Variants in NAT16 observed in about 807,000 individuals in gnomAD.
NAT16 encodes N-acetyltransferase 16 (putative).
In NAT16, 16 loss-of-function variants were observed where a neutral mutation model predicts 15.9. The observed-to-expected ratio is 1.01, with a 90% CI of 0.68 to 1.53. The LOEUF is 1.53. Ranked by LOEUF, NAT16 falls within the 40% of genes most tolerant of loss-of-function variation. NAT16 has a pLI of 0.00. For missense variants in NAT16, 572 were observed against 508.4 expected (o/e 1.13, Z -1.20); for synonymous variants, 260 against 241.9 (o/e 1.07, Z -0.69).
chr7:101,174,815 C>A lies in NAT16; in HGVS notation c.-4-4G>T, dbSNP rs932625998. Reference sequence around the variant, plus strand: ...GCTGGCTTCCAGCTTCATGACCCTGCAGAAAAAAAGAGAATTCAGCACCTG... The same window carrying A: ...GCTGGCTTCCAGCTTCATGACCCTGAAGAAAAAAAGAGAATTCAGCACCTG... On this transcript the variant is annotated splice_region_variant and splice_polypyrimidine_tract_variant and intron_variant, in intron 1 of 3. Coordinates refer to ENST00000300303, the MANE Select transcript of NAT16 (RefSeq NM_198571.3). 1.3e-6 allele frequency: 2 copies of A among 1,542,518 alleles called. No individual in the cohort carries two copies. Among genetic ancestry groups the A allele is most frequent in the East Asian group, 2.3e-5 (1 of 44,182 alleles).
intron 1 of NAT16, chr7:101,179,081 A>G (rs1485969859): frequency 3.3e-5 from 1 of 30,618 alleles, no homozygotes; most frequent in Non-Finnish European, 6.6e-5. Flanking sequence ...CCCCACTCCC[A>G]CCACACCCCA....
rs749852406 is a variant in NAT16 at position 101,174,772 on chromosome 7, T to C, written c.36A>G (p.Ser12=). The C allele has an allele frequency of 2.5e-6, 4 of 1,588,582 alleles. No homozygotes were observed. The highest frequency in any genetic ancestry group is 3.4e-6 in the Non-Finnish European group (4 of 1,169,224). ...KLEASCGTAT[S]EVPKPEKKTA... Reference sequence around the variant, plus strand: ...TCTTCTTTTCCGGCTTAGGGACCTCTGAGGTGGCTGTGCCACAGCTGGCTT... The same window carrying C: ...TCTTCTTTTCCGGCTTAGGGACCTCCGAGGTGGCTGTGCCACAGCTGGCTT... The change falls in exon 2 of 4, where the codon TCA becomes TCG. Residue 12 remains serine, a synonymous_variant. Transcript: ENST00000300303.
Position 101,172,226 on chromosome 7 carries a change from G to A in NAT16, c.963C>T (p.Ala321=), listed in dbSNP as rs1797340431. 4 of 1,613,412 alleles carry A rather than the reference G, an allele frequency of 2.5e-6. No homozygotes were observed. The highest frequency in any genetic ancestry group is 2.7e-5 in the African/African-American group (2 of 74,922). The change falls in exon 4 of 4, where the codon GCC becomes GCT. Residue 321 remains alanine, a synonymous_variant. Coordinates refer to ENST00000300303, the MANE Select transcript of NAT16 (RefSeq NM_198571.3). The surrounding 1 kb of genome is among the most constrained non-coding windows in gnomAD (Gnocchi z 4.2). ...TGACGTTGAGGCCAACGAGGCGCGG[G>A]GCCTGGCGCTGCAGGTGCCACAGCA... ...SQLLWHLQRQ[A]PRLVGLNVMC...
At chr7:101,174,310 C>T (rs1479103388) in intron 2 of NAT16, 186 bp downstream of exon 2, 2 of 747,480 alleles carry the variant, frequency 2.7e-6, no homozygotes, top group Non-Finnish European at 4.2e-6. Flanking sequence ...GAGTCCTCCA[C>T]CCCACCCTCA....
chr7:101,172,522 C>T lies in NAT16; in HGVS notation c.667G>A (p.Val223Met). 1 of 1,579,174 alleles carries T rather than the reference C, an allele frequency of 6.3e-7. No homozygotes were observed. Among genetic ancestry groups the T allele is most frequent in the South Asian group, 1.1e-5 (1 of 88,116 alleles). ...GAGGGTGACAGCAGGAGGCGTGCCA[C>T]GTCGCCGCCTGCCTCGGACACGGCC... is the stretch of plus-strand genomic sequence containing the variant. ...TEAVSEAGGD[V>M]ARLLLSPSVQ... Residue 223 changes from valine (V) to methionine (M), a missense_variant, in exon 4 of 4, where the codon GTG becomes ATG. Coordinates refer to ENST00000300303, the MANE Select transcript of NAT16 (RefSeq NM_198571.3). This position sits in a 1 kb window ranked among gnomAD's most constrained non-coding sequence, Gnocchi z 4.2.
intron 3 of NAT16, 49 bp downstream of exon 3, chr7:101,173,237 GGTCTCCCCAT>G: frequency 7.0e-7 from 1 of 1,428,710 alleles, no homozygotes; most frequent in Non-Finnish European, 9.9e-7. Flanking sequence ...GGGTGGGGAG[GGTCTCCCCAT>G]ATGCCCCAGC....
chr7:101,176,385 C>T (rs1797467367), intron 1 of NAT16, among the ~76,000 whole-genome samples: 2 of 151,662 alleles, frequency 1.3e-5, no homozygotes, highest in Admixed American at 1.3e-4. Context: ...ATCCCAGCTA[C>T]TAGGGAGGCT....
At chr7:101,177,557 G>C (rs966190107) in intron 1 of NAT16, among the ~76,000 whole-genome samples, 1 of 152,052 alleles carries the variant, frequency 6.6e-6, no homozygotes, top group Non-Finnish European at 1.5e-5. Flanking sequence ...CCACTATTTT[G>C]CCCAGGCTGG....
At position 101,171,210 on chromosome 7, in the gene NAT16, G is replaced by A; in HGVS notation, c.*869C>T. 6.5e-6 allele frequency: 1 copy of A among 152,888 alleles called. No individual in the cohort carries two copies. Among genetic ancestry groups the A allele is most frequent in the Non-Finnish European group, 1.5e-5 (1 of 68,272 alleles). 9.5% of individuals were successfully genotyped at this position (152,888 alleles called of 1,614,324 possible). A position where few individuals can be genotyped will look rare whatever the true frequency, so the allele number is the denominator to read the frequency against. ...ACCACCACCACCACCACCCCGCCCGGCTCGGGTGAGCTGGGGCACGGGGGA... is the reference window on the plus strand; with the variant it reads ...ACCACCACCACCACCACCCCGCCCGACTCGGGTGAGCTGGGGCACGGGGGA... On this transcript the variant is annotated 3_prime_UTR_variant, in exon 4 of 4. Transcript: ENST00000300303.
chr7:101,174,319 C>A (rs948655899), intron 2 of NAT16, 177 bp downstream of exon 2: 3 of 796,774 alleles, frequency 3.8e-6, no homozygotes, highest in Non-Finnish European at 5.8e-6. Flanking sequence ...ACCCCACCCT[C>A]ACTGACATAG....
rs779143038 is a variant in NAT16 at position 101,174,482 on chromosome 7, G to A, written c.312+14C>T. ...CTTCACCCCATGTCACCTGGGCCGT[G>A]CCCCCGGGCTCACCACGCCTCCGTT... On this transcript the variant is annotated intron_variant, in intron 2 of 3. Transcript: ENST00000300303. 1 of 1,601,180 alleles carries A rather than the reference G, an allele frequency of 6.2e-7. No individual in the cohort carries two copies. Among genetic ancestry groups the A allele is most frequent in the Non-Finnish European group, 8.5e-7 (1 of 1,174,530 alleles).
At position 101,172,314 on chromosome 7, in the gene NAT16, C is replaced by A. The variant is rs1275995364; in HGVS notation, c.875G>T (p.Gly292Val). ...RPFPIPHGGD[G>V]TWRYLNIDAF... ...GTCGATGTTGAGATAGCGCCAAGTG[C>A]CGTCCCCTCCGTGCGGGATGGGGAA... Residue 292 changes from glycine (G) to valine (V), a missense_variant, in exon 4 of 4, where the codon GGC (glycine) becomes GTC (valine). Transcript: ENST00000300303. This position sits in a 1 kb window ranked among gnomAD's most constrained non-coding sequence, Gnocchi z 4.2. 1.2e-6 allele frequency: 2 copies of A among 1,608,650 alleles called. No homozygotes were observed. Among genetic ancestry groups the A allele is most frequent in the East Asian group, 2.2e-5 (1 of 44,668 alleles).
At chr7:101,174,400 A>C in intron 2 of NAT16, 96 bp downstream of exon 2, 1 of 1,406,670 alleles carries the variant, frequency 7.1e-7, no homozygotes, top group Non-Finnish European at 9.4e-7. Flanking sequence ...CCTCCAGAGG[A>C]AGGCTGGGGA....
chr7:101,172,339 A>C lies in NAT16; in HGVS notation c.850T>G (p.Phe284Val). ...CCGTCCCCTCCGTGCGGGATGGGGA[A>C]GGGGCGCGTGCACAGCGTGAGCACG... ...PRVLTLCTRP[F>V]PIPHGGDGTW... Residue 284 changes from phenylalanine (F) to valine (V), a missense_variant, in exon 4 of 4, where the codon TTC becomes GTC. Phe to Val is a conservative substitution (Grantham distance 50, BLOSUM62 -1). Transcript: ENST00000300303. The surrounding 1 kb of genome is among the most constrained non-coding windows in gnomAD (Gnocchi z 4.2). 6 of 1,599,932 alleles carry C rather than the reference A, an allele frequency of 3.8e-6. No homozygotes were observed. Among genetic ancestry groups the C allele is most frequent in the Non-Finnish European group, 5.1e-6 (6 of 1,174,756 alleles).
In NAT16 at chr7:101,170,565, G is replaced by A. The variant is rs1797295710; in HGVS notation, c.*1514C>T. On this transcript the variant is annotated 3_prime_UTR_variant, in exon 4 of 4. Transcript: ENST00000300303. ...GACAAGGAGGGTGGCAGCGTGGCCA[G>A]GCACAGGATGCACCCAAGGAGAGCA... 6.6e-6 allele frequency: 1 copy of A among 152,456 alleles called. No individual in the cohort carries two copies. Among genetic ancestry groups the A allele is most frequent in the East Asian group, 1.9e-4 (1 of 5,206 alleles). 9.4% of individuals were successfully genotyped at this position (152,456 alleles called of 1,614,324 possible). A position where few individuals can be genotyped will look rare whatever the true frequency, so the allele number is the denominator to read the frequency against.
chr7:101,174,320 A>T, intron 2 of NAT16, 176 bp downstream of exon 2: 1 of 803,450 alleles, frequency 1.2e-6, no homozygotes, highest in Non-Finnish European at 1.9e-6. Context: ...CCCCACCCTC[A>T]CTGACATAGC....
In NAT16 at chr7:101,180,196, G is replaced by T. The variant is rs1225372532; in HGVS notation, c.-159C>A. Reference sequence around the variant, plus strand: ...CGCGCGGGGACTCGGCCGCGCTGTCGGAGCCCGACTCTAACGTCGGTCAGC... The same window carrying T: ...CGCGCGGGGACTCGGCCGCGCTGTCTGAGCCCGACTCTAACGTCGGTCAGC... On this transcript the variant is annotated 5_prime_UTR_variant, in exon 1 of 4. Transcript: ENST00000300303. 1.3e-5 allele frequency: 2 copies of T among 152,388 alleles called. No individual in the cohort carries two copies. Among genetic ancestry groups the T allele is most frequent in the South Asian group, 2.1e-4 (1 of 4,838 alleles). The allele number at this position is 152,388 out of a possible 1,614,324, so 9.4% of individuals were successfully genotyped here. A position where few individuals can be genotyped will look rare whatever the true frequency, so the allele number is the denominator to read the frequency against.
At position 101,174,663 on chromosome 7, in the gene NAT16, C is replaced by G; in HGVS notation, c.145G>C (p.Glu49Gln). The change falls in exon 2 of 4, where the codon GAG (glutamate) becomes CAG (glutamine). Residue 49 changes from glutamate to glutamine, a missense_variant. By Grantham distance (29) the Glu-to-Gln change is conservative. Transcript: ENST00000300303. ...ACCACGAAGTCCAATGGCTCGGCCT[C>G]AGCCTCAGGCCCCGATCCCGACCTG... ...EPRSGSGPEA[E>Q]AEPLDFVVAT... 1.2e-6 allele frequency: 2 copies of G among 1,614,128 alleles called. No individual in the cohort carries two copies. Among genetic ancestry groups the G allele is most frequent in the Non-Finnish European group, 1.7e-6 (2 of 1,180,044 alleles).
chr7:101,173,462 A>C lies in NAT16; in HGVS notation c.371T>G (p.Leu124Arg), dbSNP rs555655635. ...CCCGCGCTCCCAGGGCGCCACGCGC[A>C]GCCCCTCCACCAGCACCGTCTCCCC... ...DAGETVLVEG[L>R]RVAPWERGKG... Residue 124 changes from leucine to arginine, a missense_variant, in exon 3 of 4, where the codon CTG becomes CGG. Transcript: ENST00000300303. 1 of 1,611,824 alleles carries C rather than the reference A, an allele frequency of 6.2e-7. No individual in the cohort carries two copies. Among genetic ancestry groups the C allele is most frequent in the Admixed American group, 1.7e-5 (1 of 59,914 alleles).
Sources: allele counts gnomAD v4.1 joint callset (sites outside exome capture counted in the v4.1 genomes callset), GRCh38; gene constraint gnomAD v4.1.1; non-coding constraint Gnocchi (gnomAD v3.1); transcripts MANE v1.5; gene names NCBI Gene and HGNC (gene_info 2026-07-23, HGNC 2026-07-21).